Variants in UMAD1 observed in about 807,000 individuals in gnomAD.
UMAD1 encodes the protein UBAP1-MVB12-associated (UMA) domain containing 1.
UMAD1 carries 8 observed loss-of-function variants against 6.1 expected under a neutral mutation model. That is an observed-to-expected ratio of 1.30 (90% CI 0.76 to 2.35). The LOEUF (loss-of-function observed/expected upper bound fraction) is 2.35, where lower values mean the gene tolerates loss of function less well. Ranked by LOEUF, UMAD1 falls within the 30% of genes most tolerant of loss-of-function variation. UMAD1 has a pLI of 0.00. For synonymous variants in UMAD1, 56 were observed against 31.4 expected (o/e 1.78, Z -2.61); for missense variants, 130 against 78.4 (o/e 1.66, Z -2.49).
chr7:7,802,447 A>C (rs1782822898), intron 3 of UMAD1, among the ~76,000 whole-genome samples: 1 of 152,216 alleles, frequency 6.6e-6, no homozygotes, highest in South Asian at 2.1e-4. Context: ...ACACTCCTTG[A>C]AAGTATTCTG....
intron 2 of UMAD1, among the ~76,000 whole-genome samples, chr7:7,727,638 G>A (rs1781166162): frequency 6.6e-6 from 1 of 152,094 alleles, no homozygotes; most frequent in South Asian, 2.1e-4. Context: ...CTTAATCTGG[G>A]TGAACACCCT....
chr7:7,784,486 C>A (rs1382163462), intron 2 of UMAD1, among the ~76,000 whole-genome samples: 1 of 151,204 alleles, frequency 6.6e-6, no homozygotes, highest in Non-Finnish European at 1.5e-5. Flanking sequence ...CAGGCACCTG[C>A]CACCATGCCC....
intron 2 of UMAD1, among the ~76,000 whole-genome samples, chr7:7,753,609 CT>C (rs1370282311): frequency 6.6e-6 from 1 of 152,078 alleles, no homozygotes; most frequent in Non-Finnish European, 1.5e-5. Context: ...GGGTGTCATT[CT>C]TTCTTGTGGC....
chr7:7,820,003 A>G (rs1209255028), intron 3 of UMAD1, among the ~76,000 whole-genome samples: 1 of 152,220 alleles, frequency 6.6e-6, no homozygotes, highest in Non-Finnish European at 1.5e-5. Context: ...AAGCAAAACA[A>G]TTGACCATGA....
intron 2 of UMAD1, among the ~76,000 whole-genome samples, chr7:7,745,312 A>G (rs1360584317): frequency 6.6e-6 from 1 of 152,136 alleles, no homozygotes; most frequent in African/African-American, 2.4e-5. Context: ...TGTGTTGTTC[A>G]AGGGTCAGCT....
intron 2 of UMAD1, among the ~76,000 whole-genome samples, chr7:7,677,303 A>T (rs1028104986): frequency 1.3e-5 from 2 of 152,158 alleles, no homozygotes; most frequent in Non-Finnish European, 2.9e-5. Flanking sequence ...ATTATTGTTA[A>T]CTATAGTCAC....
chr7:7,813,406 G>A (rs546210613), intron 3 of UMAD1, among the ~76,000 whole-genome samples: 10 of 152,154 alleles, frequency 6.6e-5, no homozygotes, highest in African/African-American at 1.9e-4. Context: ...GGGTTTCACC[G>A]TATCGGCCAG....
At chr7:7,655,277 C>T (rs1330589138) in intron 1 of UMAD1, among the ~76,000 whole-genome samples, 1 of 152,110 alleles carries the variant, frequency 6.6e-6, no homozygotes, top group Non-Finnish European at 1.5e-5. Flanking sequence ...CCTAGGATTT[C>T]CTGTATTGCG....
At chr7:7,768,488 A>G (rs1270900121) in intron 2 of UMAD1, among the ~76,000 whole-genome samples, 2 of 151,984 alleles carry the variant, frequency 1.3e-5, no homozygotes, top group African/African-American at 2.4e-5. Context: ...ATGTTCCTGG[A>G]TCACTTTCTT....
rs1783453117 is a variant in UMAD1, at chr7:7,830,944, T to A, written c.156+29201T>A. Reference sequence around the variant, plus strand: ...TTCCTCATGTGGCTACAAGAATATTTTTTAATTATAAAAAATATACCAGTC... The same window carrying A: ...TTCCTCATGTGGCTACAAGAATATTATTTAATTATAAAAAATATACCAGTC... On this transcript the variant is annotated intron_variant, in intron 3 of 3. Coordinates refer to ENST00000682710, the MANE Select transcript of UMAD1 (RefSeq NM_001302348.2). This position sits in a 1 kb window ranked among gnomAD's most constrained non-coding sequence, Gnocchi z 5.3. Among the ~76,000 whole-genome samples the A allele has an allele frequency of 2.6e-5, 4 of 152,172 alleles. No homozygotes were observed. The highest frequency in any genetic ancestry group is 2.0e-4 in the Admixed American group (3 of 15,264).
intron 2 of UMAD1, among the ~76,000 whole-genome samples, chr7:7,731,121 C>T (rs952453662): frequency 1.3e-5 from 2 of 152,120 alleles, no homozygotes; most frequent in African/African-American, 4.8e-5. Context: ...GCCTCAGCCT[C>T]CTGAGTAGCT....
intron 2 of UMAD1, among the ~76,000 whole-genome samples, chr7:7,709,821 A>G (rs1267554565): frequency 6.6e-6 from 1 of 152,142 alleles, no homozygotes; most frequent in Non-Finnish European, 1.5e-5. Flanking sequence ...CAGAATGACA[A>G]TGTGATGAAC....
rs976793510 is a variant in UMAD1 at position 7,788,682 on chromosome 7, A to G, written c.83-12988A>G. Among the ~76,000 whole-genome samples the G allele has an allele frequency of 5.3e-5, 8 of 151,922 alleles. 1 individual carries two copies. The highest frequency in any genetic ancestry group is 1.9e-4 in the African/African-American group (8 of 41,396). ...ATTTTCTGTGATTTCTGCAGGAAGC[A>G]AAGCCAGCAGTCAGGTAAAGGGGTT... is the stretch of plus-strand genomic sequence containing the variant. On this transcript the variant is annotated intron_variant, in intron 2 of 3. Coordinates refer to ENST00000682710, the MANE Select transcript of UMAD1 (RefSeq NM_001302348.2).
chr7:7,853,715 G>A (rs1473757962), intron 3 of UMAD1, among the ~76,000 whole-genome samples: 1 of 151,868 alleles, frequency 6.6e-6, no homozygotes, highest in Admixed American at 6.6e-5. Flanking sequence ...AATTCCTTAG[G>A]ATTTTCTACA....
At chr7:7,732,826 A>G (rs1027990387) in intron 2 of UMAD1, among the ~76,000 whole-genome samples, 2 of 152,190 alleles carry the variant, frequency 1.3e-5, no homozygotes, top group African/African-American at 2.4e-5. Context: ...TAAAACTTTG[A>G]ATGTGTTATA....
chr7:7,742,621 A>G, intron 2 of UMAD1: 1 of 415,442 alleles, frequency 2.4e-6, no homozygotes, highest in Admixed American at 3.0e-5. Flanking sequence ...CTGTTTAGTA[A>G]TAAGCCGAAA....
intron 2 of UMAD1, among the ~76,000 whole-genome samples, chr7:7,794,557 G>A (rs1255907471): frequency 6.6e-6 from 1 of 152,094 alleles, no homozygotes; most frequent in Non-Finnish European, 1.5e-5. Flanking sequence ...CTCCCTTTTG[G>A]AGTTTAGGAG....
chr7:7,865,855 C>T (rs1288921699), intron 3 of UMAD1, among the ~76,000 whole-genome samples: 2 of 152,184 alleles, frequency 1.3e-5, no homozygotes, highest in Non-Finnish European at 2.9e-5. Flanking sequence ...GAGGCTAGCT[C>T]AGTGAGAAGA....
intron 2 of UMAD1, among the ~76,000 whole-genome samples, chr7:7,684,532 A>G (rs1457089069): frequency 6.6e-6 from 1 of 151,932 alleles, no homozygotes; most frequent in South Asian, 2.1e-4. Flanking sequence ...TTTTTTTCTG[A>G]ATAATTTTGA....
Sources: allele counts gnomAD v4.1 joint callset (sites outside exome capture counted in the v4.1 genomes callset), GRCh38; gene constraint gnomAD v4.1.1; non-coding constraint Gnocchi (gnomAD v3.1); transcripts MANE v1.5; gene names NCBI Gene and HGNC (gene_info 2026-07-23, HGNC 2026-07-21).